The following EDA variants were observed in gnomAD, a reference collection of about 807,000 sequenced individuals.
EDA encodes ectodysplasin-A.
EDA carries 2 observed loss-of-function variants against 23.6 expected under a neutral mutation model. The observed-to-expected ratio is 0.08, with a 90% confidence interval of 0.03 to 0.27. The LOEUF is 0.27. Among genes scored for constraint, EDA ranks in the 10% least tolerant of loss-of-function variants. The probability of loss-of-function intolerance (pLI) is 1.00; values close to 1 mark genes in which losing one functional copy is unlikely to be tolerated. For synonymous variants in EDA, 131 were observed against 132.0 expected, an observed-to-expected ratio of 0.99 and a Z score of 0.05; for missense variants, 229 against 324.2, an observed-to-expected ratio of 0.71 and a Z score of 2.26.
intron 1 of EDA, among the ~76,000 whole-genome samples, chrX:69,658,788 C>G (rs113578839): frequency 2.3e-4 from 26 of 111,665 alleles, no homozygotes; most frequent in Non-Finnish European, 2.1e-4. Flanking sequence ...TCAGTTGATT[C>G]TAGTATCTAG....
At chrX:69,732,143 C>A (rs2013057186) in intron 1 of EDA, among the ~76,000 whole-genome samples, 1 of 111,284 alleles carries the variant, frequency 9.0e-6, no homozygotes, top group Non-Finnish European at 1.9e-5. Flanking sequence ...GGTACATGTG[C>A]ACAACGTGCA....
chrX:69,937,994 A>G, intron 1 of EDA: 1 of 1,189,286 alleles, frequency 8.4e-7, no homozygotes, highest in Non-Finnish European at 1.1e-6. Context: ...TTCTTTGGCT[A>G]TGATGTACAG....
chrX:69,805,197 C>T, intron 1 of EDA, among the ~76,000 whole-genome samples: 1 of 111,042 alleles, frequency 9.0e-6, no homozygotes, highest in Non-Finnish European at 1.9e-5. Context: ...CTAGGAGAAG[C>T]TTCAGCAACC....
intron 5 of EDA, among the ~76,000 whole-genome samples, 156 bp from the exon 6 acceptor site, chrX:70,030,313 A>G (rs752260550): frequency 1.8e-5 from 2 of 112,193 alleles, no homozygotes; most frequent in South Asian, 7.6e-4. Flanking sequence ...ATTACCCTCT[A>G]GTAGAAATGT....
chrX:69,952,006 A>G (rs948802426), intron 1 of EDA, among the ~76,000 whole-genome samples: 3 of 112,036 alleles, frequency 2.7e-5, no homozygotes, highest in Non-Finnish European at 5.6e-5. Flanking sequence ...TCTGGAGGCT[A>G]TGCTAATGAA....
At chrX:69,924,551 C>A (rs776437552) in intron 1 of EDA, among the ~76,000 whole-genome samples, 1 of 111,498 alleles carries the variant, frequency 9.0e-6, no homozygotes, top group African/African-American at 3.3e-5. Flanking sequence ...GTTACTGTAG[C>A]CTTGTAGTAT....
At chrX:69,926,142 G>A (rs752841785) in intron 1 of EDA, among the ~76,000 whole-genome samples, 12 of 109,286 alleles carry the variant, frequency 1.1e-4, no homozygotes, top group Non-Finnish European at 2.1e-4. Flanking sequence ...AGGGTTTTTT[G>A]TGTATCTGTC....
At chrX:69,955,352 A>C (rs1402864838) in intron 1 of EDA, among the ~76,000 whole-genome samples, 2 of 112,036 alleles carry the variant, frequency 1.8e-5, no homozygotes, top group Non-Finnish European at 3.8e-5. Context: ...TTTGAAATGC[A>C]GTCCTGTTGA....
intron 2 of EDA, among the ~76,000 whole-genome samples, chrX:69,977,124 C>T (rs1278319181): frequency 1.8e-5 from 2 of 111,758 alleles, no homozygotes; most frequent in African/African-American, 6.5e-5. Context: ...TGGTTGAGAC[C>T]TGTGAGAGAA....
intron 2 of EDA, among the ~76,000 whole-genome samples, chrX:69,966,010 G>A (rs2019167900): frequency 9.0e-6 from 1 of 111,587 alleles, no homozygotes; most frequent in Non-Finnish European, 1.9e-5. Flanking sequence ...TTGAGCCTCT[G>A]CTCTCCAGCC....
intron 1 of EDA, among the ~76,000 whole-genome samples, chrX:69,881,361 A>G (rs1318223507): frequency 9.0e-6 from 1 of 110,810 alleles, no homozygotes; most frequent in Admixed American, 9.6e-5. Context: ...TCCCTTTAGC[A>G]TGCAGAGTAA....
At chrX:69,987,056 T>A (rs2147459835) in intron 2 of EDA, among the ~76,000 whole-genome samples, 1 of 78,515 alleles carries the variant, frequency 1.3e-5, no homozygotes, top group African/African-American at 5.3e-5. Context: ...TTCTCACTCA[T>A]AGGTGGGAAT....
chrX:70,010,241 T>C (rs751485072), intron 2 of EDA, among the ~76,000 whole-genome samples: 75 of 112,464 alleles, frequency 6.7e-4, no homozygotes, highest in Non-Finnish European at 1.3e-3. Context: ...GATTCCTCTA[T>C]TTCTCCTTGC....
At chrX:69,974,551 A>AAATT (rs3083548) in intron 2 of EDA, among the ~76,000 whole-genome samples, 9,686 of 110,830 alleles carry the variant, frequency 0.087, 831 homozygotes, top group East Asian at 0.6. Context: ...ACAAAAACAA[A>AAATT]AATTAAGTGG....
intron 1 of EDA, among the ~76,000 whole-genome samples, chrX:69,719,752 C>T (rs2012505211): frequency 2.8e-5 from 3 of 108,696 alleles, no homozygotes; most frequent in Non-Finnish European, 3.8e-5. Flanking sequence ...ACCACATTTT[C>T]TTTCTTTTTT....
At chrX:69,710,004 G>C (rs961525085) in intron 1 of EDA, among the ~76,000 whole-genome samples, 9 of 111,772 alleles carry the variant, frequency 8.1e-5, no homozygotes, top group Non-Finnish European at 1.5e-4. Flanking sequence ...AGTTTAATTA[G>C]ATCCCATTTG....
chrX:69,772,981 A>G (rs1401065739), intron 1 of EDA, among the ~76,000 whole-genome samples: 1 of 111,734 alleles, frequency 8.9e-6, no homozygotes, highest in Non-Finnish European at 1.9e-5. Flanking sequence ...TACTAATTCC[A>G]GAATATTTTC....
chrX:69,945,642 CTTCAT>C (rs1281015355), intron 1 of EDA, among the ~76,000 whole-genome samples: 20 of 111,907 alleles, frequency 1.8e-4, no homozygotes, highest in African/African-American at 6.2e-4. Flanking sequence ...TTTTGCTATA[CTTCAT>C]TTCATTTGTT....
At chrX:69,911,443 A>G (rs1211337639) in intron 1 of EDA, among the ~76,000 whole-genome samples, 1 of 112,207 alleles carries the variant, frequency 8.9e-6, no homozygotes, top group Non-Finnish European at 1.9e-5. Context: ...TTAGAAACAG[A>G]AAACTCACTC....
Sources: allele counts gnomAD v4.1 joint callset (sites outside exome capture counted in the v4.1 genomes callset), GRCh38; gene constraint gnomAD v4.1.1; transcripts MANE v1.5; gene names NCBI Gene and HGNC (gene_info 2026-07-23, HGNC 2026-07-21).